Variants in FH observed in about 807,000 individuals in gnomAD.
The protein encoded by FH is fumarate hydratase, also known as fumarate hydratase, mitochondrial.
In FH, 22 loss-of-function variants were observed where a neutral mutation model predicts 49.4. The ratio of observed to expected loss-of-function variants is 0.45; its 90% CI spans 0.32 to 0.64. The LOEUF is 0.64. Ranked by LOEUF, FH falls within the 30% of genes least tolerant of loss-of-function variation. FH has a pLI of 0.05. For missense variants in FH, 526 were observed against 641.5 expected, an observed-to-expected ratio of 0.82 and a Z score of 1.95; for synonymous variants, 208 against 223.0, an observed-to-expected ratio of 0.93 and a Z score of 0.60.
At position 241,497,981 on chromosome 1, in the gene FH, A is replaced by G. The variant is rs1659668830; in HGVS notation, c.1391-11T>C. On this transcript the variant is annotated splice_polypyrimidine_tract_variant and intron_variant, in intron 9 of 9. Coordinates refer to ENST00000366560, the MANE Select transcript of FH (RefSeq NM_000143.4). ...CTGCCTTGTCATACCCTGAAGAAAA[A>G]ATAAAAAGACGACATATGGGTTAGC... The G allele has an allele frequency of 6.2e-7, 1 of 1,613,800 alleles. No individual in the cohort carries two copies. The highest frequency in any genetic ancestry group is 8.5e-7 in the Non-Finnish European group (1 of 1,179,906).
intron 8 of FH, among the ~76,000 whole-genome samples, chr1:241,501,347 A>T (rs1259938429): frequency 2.0e-5 from 3 of 152,214 alleles, no homozygotes; most frequent in African/African-American, 4.8e-5. Context: ...AATATTGATT[A>T]TCTTTATTTT....
In FH at chr1:241,506,027, C is replaced by T. The variant is rs1659920259; in HGVS notation, c.880G>A (p.Ala294Thr). 1.9e-6 allele frequency: 3 copies of T among 1,613,986 alleles called. No homozygotes were observed. The highest frequency in any genetic ancestry group is 2.5e-6 in the Non-Finnish European group (3 of 1,179,924). ...NTRIGFAEKV[A>T]AKVAALTGLP... ...CCTGTAAGTGCAGCCACTTTTGCAGCAACCTTTTCTGCAAAGCCAATTCTA... is the reference window on the plus strand; with the variant it reads ...CCTGTAAGTGCAGCCACTTTTGCAGTAACCTTTTCTGCAAAGCCAATTCTA... Residue 294 changes from alanine (A) to threonine (T), a missense_variant, in exon 6 of 10, where the codon GCT becomes ACT. Physicochemically the swap from Ala to Thr is moderately conservative, Grantham distance 58. Transcript: ENST00000366560.
At position 241,517,298 on chromosome 1, in the gene FH, G is replaced by T. The variant is rs778678782; in HGVS notation, c.151C>A (p.Arg51=). 4 of 1,613,958 alleles carry T rather than the reference G, an allele frequency of 2.5e-6. No homozygotes were observed. Among genetic ancestry groups the T allele is most frequent in the Non-Finnish European group, 3.4e-6 (4 of 1,180,012 alleles). ...AARMASQNSF[R]IEYDTFGELK... ...TCACCAAAGGTATCATATTCTATCC[G>T]GAAGGAATTTTGGCTTGCCTAAAGA... is the stretch of plus-strand genomic sequence containing the variant. The change falls in exon 2 of 10, where the codon CGG becomes AGG. Residue 51 remains arginine (R), a synonymous_variant. Transcript: ENST00000366560.
chr1:241,519,598 G>C lies in FH; in HGVS notation c.125C>G (p.Ala42Gly). 1 of 1,547,584 alleles carries C rather than the reference G, an allele frequency of 6.5e-7. No individual in the cohort carries two copies. Among genetic ancestry groups the C allele is most frequent in the Non-Finnish European group, 8.7e-7 (1 of 1,146,318 alleles). Residue 42 changes from alanine (A) to glycine (G), a missense_variant, in exon 1 of 10, where the codon GCT becomes GGT. Transcript: ENST00000366560. ...AVPSFWPPNAARMASQNSFRI... is the reference protein window; with the variant it reads ...AVPSFWPPNAGRMASQNSFRI... ...ATGGCGGCCTGCGCTCACCATTCGAGCCGCGTTCGGAGGCCAAAACGAGGG... is the reference window on the plus strand; with the variant it reads ...ATGGCGGCCTGCGCTCACCATTCGACCCGCGTTCGGAGGCCAAAACGAGGG...
chr1:241,509,897 T>C (rs897186408), intron 4 of FH, among the ~76,000 whole-genome samples: 2 of 152,110 alleles, frequency 1.3e-5, no homozygotes, highest in Admixed American at 6.6e-5. Flanking sequence ...TATTTTGACG[T>C]TTACTATGCA....
At position 241,497,792 on chromosome 1, in the gene FH, T is replaced by C. The variant is rs778697601; in HGVS notation, c.*36A>G. The C allele has an allele frequency of 2.0e-6, 3 of 1,533,166 alleles. No individual in the cohort carries two copies. Among genetic ancestry groups the C allele is most frequent in the South Asian group, 1.2e-5 (1 of 82,670 alleles). 95.0% of individuals were successfully genotyped at this position (1,533,166 alleles called of 1,614,324 possible). ...AAATGGGAGTCTGTTTTTTTAAATT[T>C]TATACATGTTTATTTTCATTATAAA... is the stretch of plus-strand genomic sequence containing the variant. On this transcript the variant is annotated 3_prime_UTR_variant, in exon 10 of 10. Transcript: ENST00000366560.
chr1:241,501,427 C>T (rs1659777036), intron 8 of FH, among the ~76,000 whole-genome samples: 1 of 152,116 alleles, frequency 6.6e-6, no homozygotes, highest in South Asian at 2.1e-4. Context: ...TGCTGGGTAT[C>T]TCGTGTTAAC....
chr1:241,508,784 C>T lies in FH; in HGVS notation c.557G>A (p.Ser186Asn), dbSNP rs587782618. The T allele has an allele frequency of 6.2e-7, 1 of 1,613,032 alleles. No individual in the cohort carries two copies. ...HPNDHVNKSQ[S>N]SNDTFPTAMH... ...TGCTGTGGGAAAAGTATCATTTGAG[C>T]TCTGTTGGAAATTTTTCAAAAGAAA... Residue 186 changes from serine to asparagine, a missense_variant and splice_region_variant, in exon 5 of 10, where the codon AGC (serine) becomes AAC (asparagine). Ser to Asn is a conservative substitution (Grantham distance 46, BLOSUM62 1). Transcript: ENST00000366560.
intron 8 of FH, among the ~76,000 whole-genome samples, chr1:241,501,794 C>T (rs2147914354): frequency 6.6e-6 from 1 of 152,280 alleles, no homozygotes; most frequent in East Asian, 1.9e-4. Context: ...GCTGAGGAAA[C>T]TGATGAGAAA....
intron 2 of FH, among the ~76,000 whole-genome samples, chr1:241,515,243 G>A (rs937944675): frequency 6.6e-6 from 1 of 152,074 alleles, no homozygotes; most frequent in Non-Finnish European, 1.5e-5. Flanking sequence ...CGAGACCCCA[G>A]GTGTCTGCCT....
chr1:241,506,170 TGAAAA>T lies in FH; in HGVS notation c.739-7_739-3del, dbSNP rs745617145. On this transcript the variant is annotated splice_region_variant and splice_polypyrimidine_tract_variant and intron_variant, in intron 5 of 9. Transcript: ENST00000366560. ...TTGTTGAACATAACCACTAAATTCC[TGAAAA>T]GAAAAGAAAATTAAGGTAAGAATAA... 38 of 1,609,388 alleles carry T rather than the reference TGAAAA, an allele frequency of 2.4e-5. No individual in the cohort carries two copies. The highest frequency in any genetic ancestry group is 1.2e-4 in the African/African-American group (9 of 74,812).
intron 3 of FH, among the ~76,000 whole-genome samples, chr1:241,512,756 T>G (rs1660119459): frequency 6.6e-6 from 1 of 152,206 alleles, no homozygotes; most frequent in African/African-American, 2.4e-5. Flanking sequence ...TGGTCCACTT[T>G]AAAATAAAAC....
chr1:241,511,167 C>T (rs1266024387), intron 4 of FH, among the ~76,000 whole-genome samples: 1 of 152,068 alleles, frequency 6.6e-6, no homozygotes, highest in African/African-American at 2.4e-5. Context: ...GTTCATAGGG[C>T]AAAGCTCTCA....
Position 241,505,999 on chromosome 1 carries a change from T to TA in FH, c.904+3dup, listed in dbSNP as rs1573881536. The TA allele has an allele frequency of 6.2e-7, 1 of 1,613,516 alleles. No individual in the cohort carries two copies. Among genetic ancestry groups the TA allele is most frequent in the Non-Finnish European group, 8.5e-7 (1 of 1,179,462 alleles). ...AATGAGAAATAATTCACGTGATCAC[T>TA]AACCTGTAAGTGCAGCCACTTTTGC... On this transcript the variant is annotated splice_donor_region_variant and intron_variant, in intron 6 of 9. Coordinates refer to ENST00000366560, the MANE Select transcript of FH (RefSeq NM_000143.4).
At position 241,513,710 on chromosome 1, in the gene FH, G is replaced by A. The variant is rs1171873052; in HGVS notation, c.271C>T (p.Pro91Ser). Reference protein sequence around the residue: ...IGGVTERMPTPVIKAFGILKR... With the variant: ...IGGVTERMPTSVIKAFGILKR... ...AAGATGCCAAAAGCTTTAATAACTGGGGTCTAAAATTAATCAGAAAAATAT... is the reference window on the plus strand; with the variant it reads ...AAGATGCCAAAAGCTTTAATAACTGAGGTCTAAAATTAATCAGAAAAATAT... Residue 91 changes from proline to serine, a missense_variant, in exon 3 of 10, where the codon CCA (proline) becomes TCA (serine). This residue lies in a region of FH where 143 missense variants were observed against 127.5 expected (regional missense o/e 1.12). Transcript: ENST00000366560. The A allele has an allele frequency of 6.2e-7, 1 of 1,612,566 alleles. No homozygotes were observed. The highest frequency in any genetic ancestry group is 1.3e-5 in the African/African-American group (1 of 74,952).
intron 5 of FH, 37 bp from the exon 6 acceptor site, chr1:241,506,205 T>C: frequency 1.3e-6 from 2 of 1,491,166 alleles, no homozygotes; most frequent in Non-Finnish European, 1.9e-6. Flanking sequence ...GAATAAGTAA[T>C]TCCTAATAGC....
chr1:241,513,570 G>T (rs2147922889), intron 3 of FH, 33 bp downstream of exon 3: 1 of 1,482,826 alleles, frequency 6.7e-7, no homozygotes, highest in Non-Finnish European at 9.4e-7. Flanking sequence ...ATGGGTCTGA[G>T]GTTATTAAGC....
chr1:241,509,141 T>A (rs1396476591), intron 4 of FH, among the ~76,000 whole-genome samples: 1 of 143,924 alleles, frequency 6.9e-6, no homozygotes, highest in East Asian at 2.3e-4. Context: ...TACAGAGAAG[T>A]ATAGTTAACA....
At chr1:241,516,887 G>A (rs1313797259) in intron 2 of FH, among the ~76,000 whole-genome samples, 3 of 152,150 alleles carry the variant, frequency 2.0e-5, no homozygotes, top group South Asian at 2.1e-4. Flanking sequence ...TCTTGACCTC[G>A]TGATCTGCCC....
Sources: allele counts gnomAD v4.1 joint callset (sites outside exome capture counted in the v4.1 genomes callset), GRCh38; gene constraint gnomAD v4.1.1; regional missense constraint gnomAD v4.1.1; transcripts MANE v1.5; gene names NCBI Gene and HGNC (gene_info 2026-07-23, HGNC 2026-07-21).